The following NPSR1 variants were observed in gnomAD, a reference collection of about 807,000 sequenced individuals.
NPSR1 encodes the protein neuropeptide S receptor 1, also known as neuropeptide S receptor.
Under a neutral mutation model 46.9 loss-of-function variants are expected in NPSR1, and 48 were observed. The observed-to-expected ratio is 1.02, with a 90% confidence interval of 0.81 to 1.30. The LOEUF is 1.30. NPSR1 is among the 50% of genes most tolerant of loss of function. The pLI, the probability that NPSR1 is intolerant of heterozygous loss-of-function variation, is 0.00. For synonymous variants in NPSR1, 176 were observed against 168.1 expected, an observed-to-expected ratio of 1.05 and a Z score of -0.36; for missense variants, 450 against 449.5, an observed-to-expected ratio of 1.00 and a Z score of -0.01.
At chr7:34,863,081 A>G (rs1217552866) in intron 8 of NPSR1, among the ~76,000 whole-genome samples, 2 of 151,838 alleles carry the variant, frequency 1.3e-5, no homozygotes, top group Non-Finnish European at 2.9e-5. Flanking sequence ...AATGCCACAC[A>G]TCTGCAACCA....
At chr7:34,714,744 C>T (rs1322151451) in intron 2 of NPSR1, among the ~76,000 whole-genome samples, 1 of 152,216 alleles carries the variant, frequency 6.6e-6, no homozygotes, top group African/African-American at 2.4e-5. Context: ...AGGAGTGAAG[C>T]AGAGCCAGGG....
At chr7:34,688,410 G>T (rs1262497685) in intron 2 of NPSR1, among the ~76,000 whole-genome samples, 1 of 152,184 alleles carries the variant, frequency 6.6e-6, no homozygotes, top group Non-Finnish European at 1.5e-5. Context: ...TATAACTGTT[G>T]CTCATCTGTT....
rs964439916 is a variant in NPSR1, at chr7:34,683,448, A to C, written c.148-1104A>C. ...GGTGACAGAGTGAGACTCTGTCACAAAAAAAAAAAAAATATTTCTTAGAAG... is the reference window on the plus strand; with the variant it reads ...GGTGACAGAGTGAGACTCTGTCACACAAAAAAAAAAAATATTTCTTAGAAG... On this transcript the variant is annotated intron_variant, in intron 1 of 8. Transcript: ENST00000360581. 1.3e-4 allele frequency among the ~76,000 whole-genome samples: 19 copies of C among 146,284 alleles called. 1 individual carries two copies. Among genetic ancestry groups the C allele is most frequent in the African/African-American group, 2.3e-4 (9 of 38,360 alleles).
intron 2 of NPSR1, among the ~76,000 whole-genome samples, chr7:34,767,291 A>AATGATTTC (rs1786480233): frequency 6.6e-6 from 1 of 152,218 alleles, no homozygotes. Context: ...ATGGGTCTTA[A>AATGATTTC]ATGATTTCAA....
intron 2 of NPSR1, among the ~76,000 whole-genome samples, chr7:34,691,720 C>A (rs183470526): frequency 1.3e-5 from 2 of 151,972 alleles, no homozygotes; most frequent in African/African-American, 4.8e-5. Context: ...ACAAAAATTA[C>A]GACTACATAT....
intron 2 of NPSR1, among the ~76,000 whole-genome samples, chr7:34,712,953 G>T (rs942184605): frequency 6.6e-6 from 1 of 152,066 alleles, no homozygotes; most frequent in Non-Finnish European, 1.5e-5. Flanking sequence ...ATTTCCTTCT[G>T]CTAGTTTCAT....
At chr7:34,659,510 A>G (rs562118012) in intron 1 of NPSR1, among the ~76,000 whole-genome samples, 32 of 152,214 alleles carry the variant, frequency 2.1e-4, no homozygotes, top group Non-Finnish European at 4.6e-4. Context: ...CATTACTGTA[A>G]CATCCACCTC....
intron 8 of NPSR1, among the ~76,000 whole-genome samples, chr7:34,874,882 C>T (rs1252296522): frequency 2.0e-5 from 3 of 152,120 alleles, no homozygotes; most frequent in African/African-American, 4.8e-5. Flanking sequence ...AGACCATTGG[C>T]TCTCCCTTTT....
At chr7:34,820,921 T>C (rs930708174) in intron 4 of NPSR1, among the ~76,000 whole-genome samples, 8 of 152,092 alleles carry the variant, frequency 5.3e-5, no homozygotes, top group African/African-American at 1.9e-4. Flanking sequence ...TGTTGTAAAA[T>C]GTTTCTCATC....
At chr7:34,851,391 C>G (rs1237694895), downstream of NPSR1, among the ~76,000 whole-genome samples, 1 of 151,664 alleles carries the variant, frequency 6.6e-6, no homozygotes, top group Non-Finnish European at 1.5e-5. Flanking sequence ...ACTCCTCACT[C>G]ACCATCTCTC....
chr7:34,835,390 C>T (rs1265228970), intron 6 of NPSR1, among the ~76,000 whole-genome samples: 2 of 152,204 alleles, frequency 1.3e-5, no homozygotes, highest in African/African-American at 4.8e-5. Context: ...ATAAGAAGAG[C>T]TACTTTCTGT....
intron 4 of NPSR1, among the ~76,000 whole-genome samples, chr7:34,820,305 GAAGTT>G (rs1247100888): frequency 4.6e-5 from 7 of 152,220 alleles, no homozygotes; most frequent in Admixed American, 3.3e-4. Context: ...AAGTGGTTTA[GAAGTT>G]AATTTTAAAA....
At chr7:34,782,000 C>A (rs1423187429) in intron 3 of NPSR1, among the ~76,000 whole-genome samples, 4 of 152,172 alleles carry the variant, frequency 2.6e-5, no homozygotes, top group African/African-American at 9.7e-5. Flanking sequence ...CTAATTTATA[C>A]GTATACTATT....
At position 34,664,203 on chromosome 7, in the gene NPSR1, G is replaced by C. The variant is rs894045027; in HGVS notation, c.147+5644G>C. Among the ~76,000 whole-genome samples the C allele has an allele frequency of 5.3e-5, 8 of 152,200 alleles. No homozygotes were observed. The East Asian group carries it at 1.5e-3, about 29-fold the overall frequency. ...AGTGTGGCTCAGAGAGCAGGCTTTA[G>C]AGCCAGACTTCTGGGGTCAAATCCC... On this transcript the variant is annotated intron_variant, in intron 1 of 8. Coordinates refer to ENST00000360581, the MANE Select transcript of NPSR1 (RefSeq NM_207172.2).
chr7:34,744,226 A>C (rs2128720471), intron 2 of NPSR1, among the ~76,000 whole-genome samples: 1 of 152,258 alleles, frequency 6.6e-6, no homozygotes, highest in South Asian at 2.1e-4. Context: ...ATCTCTCTTT[A>C]TCTCTAGTAA....
intron 2 of NPSR1, among the ~76,000 whole-genome samples, chr7:34,759,683 C>G (rs1035503401): frequency 6.6e-6 from 1 of 152,128 alleles, no homozygotes; most frequent in Non-Finnish European, 1.5e-5. Context: ...TGAAACTGAC[C>G]TAGAAATGCT....
At chr7:34,697,970 A>G (rs920291792) in intron 2 of NPSR1, among the ~76,000 whole-genome samples, 2 of 152,150 alleles carry the variant, frequency 1.3e-5, no homozygotes, top group Non-Finnish European at 2.9e-5. Flanking sequence ...ATTTGTTTAT[A>G]AAAGGTGTAC....
At chr7:34,679,832 C>T (rs979058338) in intron 1 of NPSR1, among the ~76,000 whole-genome samples, 3 of 151,864 alleles carry the variant, frequency 2.0e-5, no homozygotes, top group African/African-American at 4.8e-5. Flanking sequence ...TAATAATATG[C>T]AACAGTTTTA....
intron 4 of NPSR1, among the ~76,000 whole-genome samples, chr7:34,822,091 C>G (rs1789585303): frequency 6.6e-6 from 1 of 152,154 alleles, no homozygotes; most frequent in Non-Finnish European, 1.5e-5. Flanking sequence ...TAATTCAGCC[C>G]CCGGGAGAAC....
Sources: allele counts gnomAD v4.1 joint callset (sites outside exome capture counted in the v4.1 genomes callset), GRCh38; gene constraint gnomAD v4.1.1; transcripts MANE v1.5; gene names NCBI Gene and HGNC (gene_info 2026-07-23, HGNC 2026-07-21).